GABBR2: variants seen among roughly 807,000 people sequenced by gnomAD.
GABBR2 encodes G-protein coupled receptor 51.
A neutral mutation model predicts 105.6 loss-of-function variants in GABBR2; 23 were observed. The ratio of observed to expected loss-of-function variants is 0.22; its 90% CI spans 0.16 to 0.31. GABBR2 has a LOEUF of 0.31. Among genes scored for constraint, GABBR2 ranks in the 10% least tolerant of loss-of-function variants. GABBR2 has a pLI of 1.00. For missense variants in GABBR2, 734 were observed against 1,245.5 expected, an observed-to-expected ratio of 0.59 and a Z score of 6.18; for synonymous variants, 478 against 499.7, an observed-to-expected ratio of 0.96 and a Z score of 0.58.
chr9:98,572,728 G>C (rs1828849964), intron 2 of GABBR2, among the ~76,000 whole-genome samples: 1 of 152,144 alleles, frequency 6.6e-6, no homozygotes, highest in African/African-American at 2.4e-5. Context: ...TCAAGATCCT[G>C]ATCTTTGTTC....
intron 7 of GABBR2, among the ~76,000 whole-genome samples, chr9:98,424,339 A>G (rs1832835970): frequency 6.6e-6 from 1 of 151,780 alleles, no homozygotes; most frequent in African/African-American, 2.4e-5. Flanking sequence ...TCTCAAAATA[A>G]TAAGAGCTAT....
intron 13 of GABBR2, among the ~76,000 whole-genome samples, chr9:98,333,586 C>T (rs78320065): frequency 0.011 from 1,662 of 152,276 alleles, 19 homozygotes; most frequent in African/African-American, 0.038. Context: ...TTTATAAGGA[C>T]ACCTGTCATC....
At chr9:98,470,312 C>T (rs184865866) in intron 6 of GABBR2, among the ~76,000 whole-genome samples, 1 of 152,310 alleles carries the variant, frequency 6.6e-6, no homozygotes, top group Admixed American at 6.5e-5. Context: ...GTTTATTGGA[C>T]TCACAGTTCC....
At position 98,303,482 on chromosome 9, in the gene GABBR2, C is replaced by T. The variant is rs541597861; in HGVS notation, c.2230-59G>A. On this transcript the variant is annotated intron_variant, in intron 15 of 18. Transcript: ENST00000259455. ...GAGAGCCTTGAGTCCTTCCTCCCAT[C>T]CCACATGGCAGACTCTCCCAGCAGA... 344 of 1,442,238 alleles carry T rather than the reference C, an allele frequency of 2.4e-4. 2 individuals are homozygous for T. The highest frequency in any genetic ancestry group is 1.9e-4 in the Middle Eastern group (1 of 5,332). 89.3% of individuals were successfully genotyped at this position (1,442,238 alleles called of 1,614,324 possible). A position where few individuals can be genotyped will look rare whatever the true frequency, so the allele number is the denominator to read the frequency against.
At chr9:98,640,306 C>T (rs544018793) in intron 1 of GABBR2, among the ~76,000 whole-genome samples, 14 of 151,996 alleles carry the variant, frequency 9.2e-5, no homozygotes, top group Non-Finnish European at 1.5e-4. Context: ...TTACATATCC[C>T]GGGGATAGAC....
At chr9:98,701,556 C>T (rs1830830017) in intron 1 of GABBR2, among the ~76,000 whole-genome samples, 1 of 152,124 alleles carries the variant, frequency 6.6e-6, no homozygotes, top group African/African-American at 2.4e-5. Flanking sequence ...AGAAAGCAGA[C>T]TCGAATCGAT....
chr9:98,607,079 T>C, intron 1 of GABBR2: 1 of 1,525,730 alleles, frequency 6.6e-7, no homozygotes, highest in Admixed American at 1.7e-5. Flanking sequence ...TTAAGAGATC[T>C]GGTTTTGATT....
intron 13 of GABBR2, among the ~76,000 whole-genome samples, chr9:98,325,434 C>T (rs551239470): frequency 7.1e-4 from 108 of 151,898 alleles, no homozygotes; most frequent in African/African-American, 2.4e-3. Flanking sequence ...TGAGATTACA[C>T]GTGCATGCCA....
intron 4 of GABBR2, among the ~76,000 whole-genome samples, chr9:98,489,318 A>C (rs1827125971): frequency 6.6e-6 from 1 of 152,188 alleles, no homozygotes; most frequent in Admixed American, 6.5e-5. Flanking sequence ...GGCTGTGATA[A>C]GATGGAGAGA....
chr9:98,486,245 T>A (rs1827045108), intron 4 of GABBR2, among the ~76,000 whole-genome samples: 1 of 152,204 alleles, frequency 6.6e-6, no homozygotes, highest in Non-Finnish European at 1.5e-5. Context: ...CTCGCTCCTA[T>A]CTACCGCCTC....
intron 2 of GABBR2, among the ~76,000 whole-genome samples, chr9:98,543,499 T>A (rs1416094527): frequency 3.9e-5 from 6 of 152,168 alleles, no homozygotes. Context: ...CCGGGGTAGC[T>A]GGGACTATAG....
intron 1 of GABBR2, chr9:98,607,418 A>C: frequency 3.1e-6 from 2 of 639,954 alleles, no homozygotes; most frequent in South Asian, 1.9e-5. Context: ...CAGAAGACAC[A>C]CTCACACCAG....
At chr9:98,481,444 C>A (rs545708875) in intron 4 of GABBR2, among the ~76,000 whole-genome samples, 7 of 152,220 alleles carry the variant, frequency 4.6e-5, no homozygotes, top group Non-Finnish European at 1.0e-4. Flanking sequence ...GTGGCAGAGA[C>A]AAGACCCCAG....
At chr9:98,295,666 C>G (rs569638309) in intron 17 of GABBR2, among the ~76,000 whole-genome samples, 1 of 152,240 alleles carries the variant, frequency 6.6e-6, no homozygotes, top group East Asian at 1.9e-4. Flanking sequence ...GCTGGGACTA[C>G]AGGCACGTGC....
Position 98,578,067 on chromosome 9 carries a change from G to T in GABBR2, c.327C>A (p.Asp109Glu). ...AGAAGGCTTTCAACCCTTTTGCGTT[G>T]TCGCACTGGGAAGCAACACATAGAA... Reference protein sequence around the residue: ...LDLRLYDTECDNAKGLKAFYD... With the variant: ...LDLRLYDTECENAKGLKAFYD... Residue 109 changes from aspartate to glutamate, a missense_variant, in exon 2 of 19, where the codon GAC (aspartate) becomes GAA (glutamate). Transcript: ENST00000259455. 1.2e-6 allele frequency: 2 copies of T among 1,613,704 alleles called. No individual in the cohort carries two copies. The highest frequency in any genetic ancestry group is 1.7e-6 in the Non-Finnish European group (2 of 1,179,864).
At chr9:98,374,322 T>G (rs1440894311) in intron 11 of GABBR2, among the ~76,000 whole-genome samples, 1 of 152,258 alleles carries the variant, frequency 6.6e-6, no homozygotes, top group Non-Finnish European at 1.5e-5. Context: ...ATCTGGAAAC[T>G]GCAATATGTT....
chr9:98,688,994 G>T (rs1340023903), intron 1 of GABBR2, among the ~76,000 whole-genome samples: 10 of 152,172 alleles, frequency 6.6e-5, no homozygotes, highest in Admixed American at 6.5e-4. Context: ...TAAGCCAAAG[G>T]CAAGGGCAAA....
intron 7 of GABBR2, among the ~76,000 whole-genome samples, chr9:98,435,703 C>T (rs1243220084): frequency 6.6e-6 from 1 of 152,184 alleles, no homozygotes; most frequent in East Asian, 1.9e-4. Context: ...CTTTCTCTAA[C>T]CCCAGGGCCT....
intron 12 of GABBR2, among the ~76,000 whole-genome samples, chr9:98,364,058 C>A (rs943731958): frequency 6.6e-6 from 1 of 152,110 alleles, no homozygotes; most frequent in African/African-American, 2.4e-5. Context: ...CTTTATGTTA[C>A]CGAATGTAAA....
Sources: allele counts gnomAD v4.1 joint callset (sites outside exome capture counted in the v4.1 genomes callset), GRCh38; gene constraint gnomAD v4.1.1; transcripts MANE v1.5; gene names NCBI Gene and HGNC (gene_info 2026-07-23, HGNC 2026-07-21).